Variants in TMBIM4 observed in about 807,000 individuals in gnomAD.
The protein encoded by TMBIM4 is transmembrane BAX inhibitor motif containing 4, also known as protein lifeguard 4.
Under a neutral mutation model 27.7 loss-of-function variants are expected in TMBIM4, and 28 were observed. The ratio of observed to expected loss-of-function variants is 1.01; its 90% CI spans 0.75 to 1.38. The LOEUF is 1.38. Ranked by LOEUF, TMBIM4 falls within the 40% of genes most tolerant of loss-of-function variation. The pLI, the probability that TMBIM4 is intolerant of heterozygous loss-of-function variation, is 0.00. For missense variants in TMBIM4, 265 were observed against 277.5 expected, an observed-to-expected ratio of 0.95 and a Z score of 0.32; for synonymous variants, 115 against 113.1, an observed-to-expected ratio of 1.02 and a Z score of -0.11.
rs71697123 is a variant in TMBIM4, at chr12:66,155,335, T to TGAGAGAGAGAGAGA, written c.98-1901_98-1888dup. Among the ~76,000 whole-genome samples the TGAGAGAGAGAGAGA allele has an allele frequency of 2.1e-3, 272 of 131,714 alleles. 5 individuals carry two copies. The highest frequency in any genetic ancestry group is 4.0e-3 in the Middle Eastern group (1 of 252). The allele number at this position is 131,714 out of a possible 152,430, so 86.4% of individuals were successfully genotyped here. A position where few individuals can be genotyped will look rare whatever the true frequency, so the allele number is the denominator to read the frequency against. ...AGGATGGGGTGTGTGTGCACACGTG[T>TGAGAGAGAGAGAGA]GAGAGAGAGAGAGAGAGAGAGAGAG... On this transcript the variant is annotated intron_variant, in intron 1 of 6. Transcript: ENST00000358230.
chr12:66,146,805 C>G (rs901710189), intron 4 of TMBIM4, among the ~76,000 whole-genome samples: 3 of 152,030 alleles, frequency 2.0e-5, no homozygotes, highest in Non-Finnish European at 2.9e-5. Flanking sequence ...CTGTTTATGC[C>G]ATTACAGGAT....
chr12:66,144,544 T>C (rs949125809), intron 5 of TMBIM4, among the ~76,000 whole-genome samples: 1 of 152,160 alleles, frequency 6.6e-6, no homozygotes, highest in East Asian at 1.9e-4. Flanking sequence ...TGCTGATTTG[T>C]AGTCTAACTG....
intron 2 of TMBIM4, 152 bp downstream of exon 2, chr12:66,153,188 A>G (rs1218118710): frequency 5.8e-6 from 3 of 514,886 alleles, no homozygotes; most frequent in Non-Finnish European, 1.0e-5. Flanking sequence ...TTCTTCATCA[A>G]AAACAAAACT....
At chr12:66,147,052 TAGTA>T (rs2051763365) in intron 4 of TMBIM4, among the ~76,000 whole-genome samples, 1 of 152,126 alleles carries the variant, frequency 6.6e-6, no homozygotes. Context: ...ATAACCTTAA[TAGTA>T]AGTAACATTA....
intron 3 of TMBIM4, among the ~76,000 whole-genome samples, 167 bp downstream of exon 3, chr12:66,152,104 A>T (rs2051853839): frequency 6.6e-6 from 1 of 152,174 alleles, no homozygotes; most frequent in Non-Finnish European, 1.5e-5. Flanking sequence ...TGAAACTAAT[A>T]AACTGTTAAA....
At chr12:66,147,378 A>G (rs771862251) in intron 4 of TMBIM4, among the ~76,000 whole-genome samples, 13 of 152,152 alleles carry the variant, frequency 8.5e-5, no homozygotes, top group Admixed American at 2.0e-4. Flanking sequence ...TTTTTATTTG[A>G]GGCATTACAT....
At chr12:66,138,268 C>T (rs986204382) in intron 6 of TMBIM4, 102 bp from the exon 7 acceptor site, 2 of 1,471,066 alleles carry the variant, frequency 1.4e-6, no homozygotes, top group African/African-American at 2.9e-5. Flanking sequence ...ATACATTTGA[C>T]AATGGTGTAC....
At chr12:66,164,735 C>T (rs988241421) in intron 1 of TMBIM4, among the ~76,000 whole-genome samples, 6 of 152,062 alleles carry the variant, frequency 3.9e-5, no homozygotes, top group Admixed American at 1.3e-4. Flanking sequence ...AGGAAGTCCT[C>T]GCCAGAACAA....
At position 66,155,331 on chromosome 12, in the gene TMBIM4, C is replaced by CGT. The variant is rs935865219; in HGVS notation, c.98-1885_98-1884dup. Among the ~76,000 whole-genome samples the CGT allele has an allele frequency of 4.5e-4, 34 of 76,016 alleles. 1 individual carries two copies. The highest frequency in any genetic ancestry group is 7.1e-4 in the Non-Finnish European group (24 of 33,660). 49.9% of individuals were successfully genotyped at this position (76,016 alleles called of 152,430 possible). On this transcript the variant is annotated intron_variant, in intron 1 of 6. Coordinates refer to ENST00000358230, the MANE Select transcript of TMBIM4 (RefSeq NM_016056.4). ...CACCAGGATGGGGTGTGTGTGCACA[C>CGT]GTGTGAGAGAGAGAGAGAGAGAGAG... is the stretch of plus-strand genomic sequence containing the variant.
Position 66,153,351 on chromosome 12 carries a change from A to T in TMBIM4, c.195T>A (p.Phe65Leu). ...VFLYFESVRTFVHESPALILL... is the reference protein window; with the variant it reads ...VFLYFESVRTLVHESPALILL... ...TCTCATTACCTTACCTCTCATGTACAAATGTCCGTACAGACTCAAAGTATA... is the reference window on the plus strand; with the variant it reads ...TCTCATTACCTTACCTCTCATGTACTAATGTCCGTACAGACTCAAAGTATA... Residue 65 changes from phenylalanine (F) to leucine (L), a missense_variant, in exon 2 of 7, where the codon TTT (phenylalanine) becomes TTA (leucine). Transcript: ENST00000358230. 1 of 1,562,864 alleles carries T rather than the reference A, an allele frequency of 6.4e-7. No homozygotes were observed. The highest frequency in any genetic ancestry group is 1.2e-5 in the South Asian group (1 of 85,538).
At chr12:66,165,107 G>T (rs1411246930) in intron 1 of TMBIM4, among the ~76,000 whole-genome samples, 1 of 152,026 alleles carries the variant, frequency 6.6e-6, no homozygotes, top group African/African-American at 2.4e-5. Flanking sequence ...TTATACATTG[G>T]AAAACCGATG....
intron 3 of TMBIM4, among the ~76,000 whole-genome samples, chr12:66,148,484 G>A (rs1401235314): frequency 2.0e-5 from 3 of 152,052 alleles, no homozygotes; most frequent in Non-Finnish European, 4.4e-5. Context: ...CGATACTCTA[G>A]CCAATTTAAT....
Position 66,138,066 on chromosome 12 carries a change from T to A in TMBIM4, c.611A>T (p.Lys204Ile). The A allele has an allele frequency of 6.2e-7, 1 of 1,614,102 alleles. No homozygotes were observed. The highest frequency in any genetic ancestry group is 8.5e-7 in the Non-Finnish European group (1 of 1,180,012). ...TAATACGTACTCTTCAGGTGACAGT[T>A]TATGCATCAGTGAGTGTGTGTCATA... ...IIYDTHSLMHKLSPEEYVLAA... is the reference protein window; with the variant it reads ...IIYDTHSLMHILSPEEYVLAA... The change falls in exon 7 of 7, where the codon AAA becomes ATA. Residue 204 changes from lysine to isoleucine, a missense_variant. Transcript: ENST00000358230.
rs551372223 is a variant in TMBIM4 at position 66,142,665 on chromosome 12, A to C, written c.464+3176T>G. Reference sequence around the variant, plus strand: ...CTTGCCCTCTGCTCTAGCGAGCACTATTTCTATCTTTCCAGGCTGTTCACT... The same window carrying C: ...CTTGCCCTCTGCTCTAGCGAGCACTCTTTCTATCTTTCCAGGCTGTTCACT... On this transcript the variant is annotated intron_variant, in intron 5 of 6. Transcript: ENST00000358230. Among the ~76,000 whole-genome samples the C allele has an allele frequency of 3.3e-5, 5 of 151,330 alleles. No individual in the cohort carries two copies. In the South Asian group the frequency reaches 1.0e-3, roughly 31 times the overall value.
At chr12:66,148,921 G>A (rs2051795381) in intron 3 of TMBIM4, among the ~76,000 whole-genome samples, 1 of 151,966 alleles carries the variant, frequency 6.6e-6, no homozygotes, top group Non-Finnish European at 1.5e-5. Flanking sequence ...TCAATCATCT[G>A]ATAGACCATA....
rs757836860 is a variant in TMBIM4, at chr12:66,153,449, C to T, written c.98-1G>A. On this transcript the variant is annotated splice_acceptor_variant, in intron 1 of 6. Coordinates refer to ENST00000358230, the MANE Select transcript of TMBIM4 (RefSeq NM_016056.4). LOFTEE classifies it high-confidence loss of function. ...ATGCTGTAGACTTTTCTCAGAAAGG[C>T]TAAAAGAGAAAAAAAATTACATTAC... The T allele has an allele frequency of 3.3e-6, 5 of 1,523,904 alleles. No homozygotes were observed. In the East Asian group the frequency reaches 1.1e-4, roughly 35 times the overall value. 94.4% of individuals were successfully genotyped at this position (1,523,904 alleles called of 1,614,324 possible). A position where few individuals can be genotyped will look rare whatever the true frequency, so the allele number is the denominator to read the frequency against.
intron 3 of TMBIM4, among the ~76,000 whole-genome samples, chr12:66,148,614 GATCT>G (rs2051790289): frequency 2.0e-5 from 3 of 152,260 alleles, no homozygotes; most frequent in Admixed American, 2.0e-4. Flanking sequence ...CTATGGAAGT[GATCT>G]ATCTTATACC....
intron 1 of TMBIM4, among the ~76,000 whole-genome samples, chr12:66,155,525 GT>G (rs2051921452): frequency 6.6e-6 from 1 of 152,034 alleles, no homozygotes; most frequent in South Asian, 2.1e-4. Context: ...TAGAGATGGG[GT>G]TTTACCACAT....
chr12:66,138,963 G>A, intron 5 of TMBIM4, 194 bp from the exon 6 acceptor site: 2 of 752,234 alleles, frequency 2.7e-6, no homozygotes, highest in Non-Finnish European at 3.7e-6. Context: ...TGAAAGAACA[G>A]CTATTTATTC....
Sources: gnomAD v4.1 joint callset for allele counts (sites outside exome capture counted in the v4.1 genomes callset) on GRCh38, gnomAD v4.1.1 for gene constraint, MANE v1.5 for transcripts, NCBI Gene and HGNC (gene_info 2026-07-23, HGNC 2026-07-21) for gene names.